The following NEGR1 variants were observed in gnomAD, a reference collection of about 807,000 sequenced individuals.
NEGR1 encodes the protein IgLON family member 4.
A neutral mutation model predicts 40.9 loss-of-function variants in NEGR1; 10 were observed. That is an observed-to-expected ratio of 0.24 (90% CI 0.15 to 0.42). The LOEUF (loss-of-function observed/expected upper bound fraction) is 0.42, where lower values mean the gene tolerates loss of function less well. NEGR1 is among the 10% of genes least tolerant of loss of function. The pLI, the probability that NEGR1 is intolerant of heterozygous loss-of-function variation, is 1.00. For synonymous variants in NEGR1, 185 were observed against 166.8 expected, an observed-to-expected ratio of 1.11 and a Z score of -0.84; for missense variants, 352 against 438.9, an observed-to-expected ratio of 0.80 and a Z score of 1.77.
At chr1:71,745,651 C>T (rs1655357641) in intron 3 of NEGR1, among the ~76,000 whole-genome samples, 1 of 152,222 alleles carries the variant, frequency 6.6e-6, no homozygotes, top group South Asian at 2.1e-4. Flanking sequence ...GAATGATGGG[C>T]CTCAGAAAAC....
chr1:71,928,361 T>C (rs11803017), intron 2 of NEGR1, among the ~76,000 whole-genome samples: 82,163 of 84,710 alleles, frequency 0.97, 39,957 homozygotes, highest in East Asian at 0.98. Context: ...TATATATATA[T>C]ACACATATGT....
At chr1:71,818,839 C>T (rs114706124) in intron 2 of NEGR1, among the ~76,000 whole-genome samples, 4,063 of 151,882 alleles carry the variant, frequency 0.027, 82 homozygotes, top group Middle Eastern at 0.048. Flanking sequence ...TAATAAAACA[C>T]GACATCCATA....
intron 6 of NEGR1, among the ~76,000 whole-genome samples, chr1:71,443,693 C>T (rs1646562970): frequency 6.6e-6 from 1 of 152,172 alleles, no homozygotes; most frequent in South Asian, 2.1e-4. Context: ...AGCTCACATC[C>T]TTGTATTTTA....
intron 2 of NEGR1, among the ~76,000 whole-genome samples, chr1:71,914,573 T>A (rs1661518190): frequency 6.6e-6 from 1 of 152,232 alleles, no homozygotes; most frequent in Non-Finnish European, 1.5e-5. Context: ...GAAAGTGGTG[T>A]AAGCCCCTTC....
intron 4 of NEGR1, among the ~76,000 whole-genome samples, chr1:71,645,004 C>A (rs760689724): frequency 4.6e-5 from 7 of 151,964 alleles, no homozygotes; most frequent in Non-Finnish European, 8.8e-5. Flanking sequence ...TGTACTCACA[C>A]AATTTACACA....
intron 6 of NEGR1, among the ~76,000 whole-genome samples, chr1:71,524,903 A>C (rs1251643514): frequency 6.6e-6 from 1 of 151,744 alleles, no homozygotes; most frequent in East Asian, 1.9e-4. Flanking sequence ...GAGCAAAAGA[A>C]CATGGACAGC....
intron 2 of NEGR1, among the ~76,000 whole-genome samples, chr1:71,813,983 G>A (rs773153546): frequency 4.6e-5 from 7 of 152,042 alleles, no homozygotes; most frequent in Non-Finnish European, 8.8e-5. Context: ...GGAGTGGTGA[G>A]AGATGACATC....
chr1:71,422,547 AGACAGG>A (rs1646404319), intron 6 of NEGR1: 1 of 152,236 alleles, frequency 6.6e-6, no homozygotes, highest in Admixed American at 6.5e-5. Context: ...CGAAAGCTAA[AGACAGG>A]GGCCTAGGTC....
At chr1:71,573,792 T>G (rs981802964) in intron 6 of NEGR1, among the ~76,000 whole-genome samples, 38 of 152,182 alleles carry the variant, frequency 2.5e-4, no homozygotes, top group African/African-American at 9.2e-4. Context: ...CTCTAGACTT[T>G]TGAAATCGAA....
intron 1 of NEGR1, among the ~76,000 whole-genome samples, chr1:72,197,263 T>C (rs1653034607): frequency 6.6e-6 from 1 of 152,004 alleles, no homozygotes; most frequent in African/African-American, 2.4e-5. Flanking sequence ...CTTTAGTATT[T>C]AAAAATGAGT....
At chr1:72,024,824 T>G (rs1481624098) in intron 1 of NEGR1, among the ~76,000 whole-genome samples, 2 of 152,210 alleles carry the variant, frequency 1.3e-5, no homozygotes, top group African/African-American at 4.8e-5. Context: ...ATTACAAATC[T>G]TTAAAACCTC....
chr1:71,899,548 GT>G lies in NEGR1; in HGVS notation c.409+35530del, dbSNP rs1661090656. ...CTAAGAAATTCAAATCCTTGAAATG[GT>G]TAAAAAGTTACACAGTAGCATTTCA... On this transcript the variant is annotated intron_variant, in intron 2 of 6. Transcript: ENST00000357731. 2.6e-5 allele frequency among the ~76,000 whole-genome samples: 4 copies of G among 152,256 alleles called. No individual in the cohort carries two copies. In the East Asian group the frequency reaches 7.7e-4, roughly 29 times the overall value.
chr1:72,227,180 TA>T (rs1654219274), intron 1 of NEGR1, among the ~76,000 whole-genome samples: 1 of 151,992 alleles, frequency 6.6e-6, no homozygotes, highest in South Asian at 2.1e-4. Flanking sequence ...TCCTCATCTC[TA>T]AAATGGTAAT....
chr1:71,830,324 G>C (rs960708154), intron 2 of NEGR1, among the ~76,000 whole-genome samples: 1 of 151,790 alleles, frequency 6.6e-6, no homozygotes, highest in Non-Finnish European at 1.5e-5. Context: ...TATAAAAGGG[G>C]CTAATAGTAA....
chr1:72,264,541 G>GATTA (rs55900680), intron 1 of NEGR1, among the ~76,000 whole-genome samples: 56,208 of 142,990 alleles, frequency 0.39, 11,914 homozygotes, highest in Non-Finnish European at 0.49. Context: ...CACTATAAAT[G>GATTA]ATTATATTTT....
intron 4 of NEGR1, among the ~76,000 whole-genome samples, chr1:71,677,615 A>G (rs950492217): frequency 6.6e-6 from 1 of 152,168 alleles, no homozygotes; most frequent in Non-Finnish European, 1.5e-5. Flanking sequence ...CACATTTGCT[A>G]TTCATTAATT....
chr1:72,231,754 G>A (rs1654372868), intron 1 of NEGR1, among the ~76,000 whole-genome samples: 1 of 152,122 alleles, frequency 6.6e-6, no homozygotes, highest in African/African-American at 2.4e-5. Context: ...GATTTTCCGA[G>A]TGTAGATGGT....
chr1:72,028,193 T>C (rs1457459262), intron 1 of NEGR1, among the ~76,000 whole-genome samples: 1 of 152,238 alleles, frequency 6.6e-6, no homozygotes, highest in Non-Finnish European at 1.5e-5. Flanking sequence ...TCAGCCTGTT[T>C]CTTCCTCTTC....
intron 2 of NEGR1, among the ~76,000 whole-genome samples, chr1:71,839,982 C>G (rs965129299): frequency 1.2e-4 from 18 of 152,118 alleles, no homozygotes; most frequent in Non-Finnish European, 1.5e-5. Flanking sequence ...GGAAACATAA[C>G]ATAGCTGCAG....
Sources: allele counts gnomAD v4.1 joint callset (sites outside exome capture counted in the v4.1 genomes callset), GRCh38; gene constraint gnomAD v4.1.1; transcripts MANE v1.5; gene names NCBI Gene and HGNC (gene_info 2026-07-23, HGNC 2026-07-21).